The following RIN2 variants were observed in gnomAD, a reference collection of about 807,000 sequenced individuals.
The protein encoded by RIN2 is Ras and Rab interactor 2.
RIN2 carries 36 observed loss-of-function variants against 78.0 expected under a neutral mutation model. That is an observed-to-expected ratio of 0.46 (90% CI 0.35 to 0.61). The LOEUF (loss-of-function observed/expected upper bound fraction) is 0.61, where lower values mean the gene tolerates loss of function less well. RIN2 is among the 20% of genes least tolerant of loss of function. The probability of loss-of-function intolerance (pLI) is 0.00; values close to 1 mark genes in which losing one functional copy is unlikely to be tolerated. For synonymous variants in RIN2, 466 were observed against 466.8 expected, an observed-to-expected ratio of 1.00 and a Z score of 0.02; for missense variants, 1,087 against 1,159.7, an observed-to-expected ratio of 0.94 and a Z score of 0.91.
At chr20:19,969,908 G>C (rs539624506) in intron 7 of RIN2, among the ~76,000 whole-genome samples, 1 of 146,096 alleles carries the variant, frequency 6.8e-6, no homozygotes, top group South Asian at 2.1e-4. Context: ...CCAGTGCTTA[G>C]AGCATGGTCC....
At chr20:19,864,481 C>T (rs1395167214) in intron 2 of RIN2, among the ~76,000 whole-genome samples, 2 of 152,106 alleles carry the variant, frequency 1.3e-5, no homozygotes, top group East Asian at 1.9e-4. Context: ...CCTGACTTCA[C>T]CAAAGTCCCT....
chr20:19,848,404 T>C (rs1014466701), intron 2 of RIN2, among the ~76,000 whole-genome samples: 1 of 151,540 alleles, frequency 6.6e-6, no homozygotes, highest in Non-Finnish European at 1.5e-5. Context: ...GGCGTGGTGG[T>C]GTGTGCCTGT....
chr20:19,988,085 G>C (rs1480401327), intron 9 of RIN2, among the ~76,000 whole-genome samples: 1 of 152,134 alleles, frequency 6.6e-6, no homozygotes, highest in East Asian at 1.9e-4. Flanking sequence ...CCAGCGTCAG[G>C]AATTCCAAAG....
In RIN2 at chr20:19,814,044, A is replaced by G. The variant is rs148759161; in HGVS notation, c.-37+14297A>G. Among the ~76,000 whole-genome samples the G allele has an allele frequency of 5.9e-3, 897 of 152,340 alleles. 10 individuals carry two copies. Among genetic ancestry groups the G allele is most frequent in the African/African-American group, 0.02 (851 of 41,568 alleles). ...GTGCTAAATAGGTCAGAATAGAAAA[A>G]TAGTCGTATCACGTGCAAGAAACAG... On this transcript the variant is annotated intron_variant, in intron 2 of 12. Coordinates refer to ENST00000255006, the MANE Select transcript of RIN2 (RefSeq NM_018993.4).
chr20:19,938,315 C>A (rs1010212717), intron 4 of RIN2, among the ~76,000 whole-genome samples: 3 of 152,122 alleles, frequency 2.0e-5, no homozygotes, highest in Non-Finnish European at 2.9e-5. Flanking sequence ...ACCTCCTGGG[C>A]TCAAGTGATC....
chr20:19,870,173 T>C (rs1228514164), intron 2 of RIN2, among the ~76,000 whole-genome samples: 1 of 152,204 alleles, frequency 6.6e-6, no homozygotes, highest in Non-Finnish European at 1.5e-5. Flanking sequence ...ATTCCCACAG[T>C]TCGATGACCC....
At chr20:19,812,194 T>C (rs1368337599) in intron 2 of RIN2, among the ~76,000 whole-genome samples, 1 of 152,234 alleles carries the variant, frequency 6.6e-6, no homozygotes, top group East Asian at 1.9e-4. Flanking sequence ...CAAGTCTTTA[T>C]GTAGACACAT....
chr20:19,949,077 C>A (rs1416416496), intron 4 of RIN2, among the ~76,000 whole-genome samples: 2 of 152,044 alleles, frequency 1.3e-5, no homozygotes, highest in East Asian at 3.9e-4. Flanking sequence ...TCAGGAGTTC[C>A]AGACCAGCCT....
intron 1 of RIN2, among the ~76,000 whole-genome samples, chr20:19,759,354 TA>T (rs558483036): frequency 1.9e-3 from 292 of 152,070 alleles, no homozygotes; most frequent in African/African-American, 6.7e-3. Context: ...AACATCAGAG[TA>T]CTCTTCGACC....
chr20:19,783,096 G>A lies in RIN2; in HGVS notation c.-162-16526G>A, dbSNP rs2034563037. Among the ~76,000 whole-genome samples, 3 of 152,194 alleles carry A rather than the reference G, an allele frequency of 2.0e-5. No homozygotes were observed. The South Asian group carries it at 6.2e-4, about 31-fold the overall frequency. ...AGTGCCCCACGTTGGTGGTGGGTGG[G>A]AGTCTATAAATCCCAGCTCTCGCTC... On this transcript the variant is annotated intron_variant, in intron 1 of 12. Coordinates refer to ENST00000255006, the MANE Select transcript of RIN2 (RefSeq NM_018993.4).
At chr20:19,801,589 G>A (rs1174697795) in intron 2 of RIN2, among the ~76,000 whole-genome samples, 1 of 152,192 alleles carries the variant, frequency 6.6e-6, no homozygotes, top group Non-Finnish European at 1.5e-5. Flanking sequence ...CCAAAGTGCT[G>A]GGATTACAGG....
intron 2 of RIN2, among the ~76,000 whole-genome samples, chr20:19,812,452 C>G (rs2035633428): frequency 3.9e-5 from 6 of 152,158 alleles, no homozygotes; most frequent in Admixed American, 3.3e-4. Flanking sequence ...TAGCCTTTCC[C>G]TACAGACTAA....
chr20:19,916,712 G>A lies in RIN2; in HGVS notation c.58-18387G>A, dbSNP rs916790108. Among the ~76,000 whole-genome samples the A allele has an allele frequency of 2.6e-5, 4 of 152,200 alleles. No homozygotes were observed. In the East Asian group the frequency reaches 7.7e-4, roughly 29 times the overall value. On this transcript the variant is annotated intron_variant, in intron 3 of 12. Transcript: ENST00000255006. Reference sequence around the variant, plus strand: ...ACCCCGCATACTTTATTCACTCCCTGGAGACCAACCCTGGACATCAGCATC... The same window carrying A: ...ACCCCGCATACTTTATTCACTCCCTAGAGACCAACCCTGGACATCAGCATC...
chr20:19,877,976 T>C (rs1291265039), intron 2 of RIN2, among the ~76,000 whole-genome samples: 1 of 152,182 alleles, frequency 6.6e-6, no homozygotes, highest in African/African-American at 2.4e-5. Flanking sequence ...GCCATGATTA[T>C]GCCAGTGCAT....
rs959379452 is a variant in RIN2 at position 20,002,081 on chromosome 20, G to A, written c.*1145G>A. 6.6e-6 allele frequency: 1 copy of A among 152,298 alleles called. No individual in the cohort carries two copies. The highest frequency in any genetic ancestry group is 1.5e-5 in the Non-Finnish European group (1 of 68,038). 9.4% of individuals were successfully genotyped at this position (152,298 alleles called of 1,614,324 possible). ...AGTAATGTATAATGTGGCTTTTGTT[G>A]AGTTAAATAAGATGCTATATAATGG... is the stretch of plus-strand genomic sequence containing the variant. On this transcript the variant is annotated 3_prime_UTR_variant, in exon 13 of 13. Coordinates refer to ENST00000255006, the MANE Select transcript of RIN2 (RefSeq NM_018993.4).
chr20:19,782,020 G>A (rs996557630), intron 1 of RIN2, among the ~76,000 whole-genome samples: 1 of 152,150 alleles, frequency 6.6e-6, no homozygotes, highest in African/African-American at 2.4e-5. Flanking sequence ...TGAAAAATCT[G>A]TTTTATTGTT....
chr20:19,892,689 C>G (rs1472393023), intron 3 of RIN2, among the ~76,000 whole-genome samples: 3 of 152,204 alleles, frequency 2.0e-5, no homozygotes, highest in Non-Finnish European at 2.9e-5. Context: ...CTTCCTCTTC[C>G]TTCTAGACAT....
intron 1 of RIN2, among the ~76,000 whole-genome samples, chr20:19,774,934 T>G (rs1177479426): frequency 6.6e-6 from 1 of 152,072 alleles, no homozygotes; most frequent in Non-Finnish European, 1.5e-5. Context: ...AAAGCTGTGG[T>G]GAATTAGATG....
chr20:19,892,280 G>A (rs536394257), intron 3 of RIN2, among the ~76,000 whole-genome samples: 7 of 152,210 alleles, frequency 4.6e-5, no homozygotes, highest in African/African-American at 7.2e-5. Flanking sequence ...GCAGTGGTGC[G>A]ATCTCGGCTC....
Sources: gnomAD v4.1 joint callset for allele counts (sites outside exome capture counted in the v4.1 genomes callset) on GRCh38, gnomAD v4.1.1 for gene constraint, MANE v1.5 for transcripts, NCBI Gene and HGNC (gene_info 2026-07-23, HGNC 2026-07-21) for gene names.